Variants in ANO3 observed in about 807,000 individuals in gnomAD.
The protein encoded by ANO3 is anoctamin 3.
Under a neutral mutation model 144.8 loss-of-function variants are expected in ANO3, and 99 were observed. The observed-to-expected ratio is 0.68, with a 90% CI of 0.58 to 0.81. The LOEUF is 0.81. ANO3 is among the 30% of genes least tolerant of loss of function. The pLI is 0.00. For synonymous variants in ANO3, 414 were observed against 392.6 expected (o/e 1.05, Z -0.64); for missense variants, 905 against 1,202.2 (o/e 0.75, Z 3.66).
At chr11:26,647,195 T>C (rs948932527) in intron 23 of ANO3, among the ~76,000 whole-genome samples, 1 of 152,016 alleles carries the variant, frequency 6.6e-6, no homozygotes, top group Non-Finnish European at 1.5e-5. Context: ...TGATGCCAGA[T>C]TGACCTCCTA....
At chr11:26,599,106 T>G in intron 16 of ANO3, 108 bp downstream of exon 16, 1 of 1,185,318 alleles carries the variant, frequency 8.4e-7, no homozygotes, top group Non-Finnish European at 1.2e-6. Context: ...AACCTTATTC[T>G]TTCCAACAAC....
rs1161288753 is a variant in ANO3 at position 26,641,987 on chromosome 11, C to T, written c.2233C>T (p.Pro745Ser). The T allele has an allele frequency of 1.9e-6, 3 of 1,613,748 alleles. No homozygotes were observed. Among genetic ancestry groups the T allele is most frequent in the Admixed American group, 1.7e-5 (1 of 59,984 alleles). ...GTGGGAAAATGATTGGAATCTGCAG[C>T]CCATGAACCTTCATGGACTGATGGA... ...PQWENDWNLQ[P>S]MNLHGLMDEY... The change falls in exon 22 of 27, where the codon CCC becomes TCC. Residue 745 changes from proline to serine, a missense_variant. Around this residue, in one of 4 missense-constraint regions of ANO3, gnomAD observed 597 missense variants for 865.1 expected, o/e 0.69. Coordinates refer to ENST00000256737, the MANE Select transcript of ANO3 (RefSeq NM_031418.4).
chr11:26,624,503 G>A lies in ANO3; in HGVS notation c.1873+5G>A, dbSNP rs1590646069. On this transcript the variant is annotated splice_donor_5th_base_variant and intron_variant, in intron 18 of 26. Transcript: ENST00000256737. ...CTTACCTCCTCACCAATTTAGGTAA[G>A]TCCATTTTTCTTACTTCACTCCTTA... The A allele has an allele frequency of 6.2e-6, 10 of 1,601,790 alleles. No individual in the cohort carries two copies. The highest frequency in any genetic ancestry group is 8.5e-6 in the Non-Finnish European group (10 of 1,169,922).
At chr11:26,485,032 G>C (rs1240274880) in intron 4 of ANO3, among the ~76,000 whole-genome samples, 1 of 152,136 alleles carries the variant, frequency 6.6e-6, no homozygotes, top group East Asian at 1.9e-4. Flanking sequence ...CAACTGGCTT[G>C]TTTTGATTTT....
intron 1 of ANO3, among the ~76,000 whole-genome samples, chr11:26,267,449 TGGATAATAA>T (rs1200397345): frequency 6.6e-6 from 1 of 152,242 alleles, no homozygotes; most frequent in Non-Finnish European, 1.5e-5. Flanking sequence ...TATTTTTATA[TGGATAATAA>T]GGAAAATACA....
In ANO3 at chr11:26,332,262, C is replaced by A. The variant is rs759549665; in HGVS notation, c.-14C>A. ...GGGCAGCTCCCTAAGCCGGCTGGGA[C>A]GCGCAGAGTGAAAATGGTCCACCAT... On this transcript the variant is annotated 5_prime_UTR_variant, in exon 1 of 27. Coordinates refer to ENST00000256737, the MANE Select transcript of ANO3 (RefSeq NM_031418.4). The A allele has an allele frequency of 2.0e-5, 33 of 1,613,984 alleles. No individual in the cohort carries two copies. The highest frequency in any genetic ancestry group is 2.6e-5 in the Non-Finnish European group (31 of 1,180,002).
At chr11:26,627,402 A>G (rs186983434) in intron 18 of ANO3, among the ~76,000 whole-genome samples, 1 of 151,830 alleles carries the variant, frequency 6.6e-6, no homozygotes, top group Non-Finnish European at 1.5e-5. Context: ...GACAATAATA[A>G]TAGTTCCTAT....
chr11:26,287,475 A>G (rs1251596710), intron 1 of ANO3: 1 of 152,236 alleles, frequency 6.6e-6, no homozygotes, highest in Non-Finnish European at 1.5e-5. Flanking sequence ...CCAAGGTCAC[A>G]CAGTCATTAA....
chr11:26,221,198 T>C (rs1035496484), intron 1 of ANO3, among the ~76,000 whole-genome samples: 7 of 152,198 alleles, frequency 4.6e-5, no homozygotes, highest in African/African-American at 1.7e-4. Context: ...TTTTGTCATG[T>C]GTAGCTGTGA....
At chr11:26,557,898 A>T (rs1365490993) in intron 13 of ANO3, among the ~76,000 whole-genome samples, 1 of 152,218 alleles carries the variant, frequency 6.6e-6, no homozygotes, top group Non-Finnish European at 1.5e-5. Context: ...GTCATAATAC[A>T]TCCCATGTGT....
chr11:26,326,795 T>C (rs1225328769), intron 1 of ANO3, among the ~76,000 whole-genome samples: 2 of 152,152 alleles, frequency 1.3e-5, no homozygotes, highest in Non-Finnish European at 1.5e-5. Context: ...TAGCAACAAG[T>C]AACTAGTACA....
intron 1 of ANO3, among the ~76,000 whole-genome samples, chr11:26,299,839 T>C (rs1854184092): frequency 6.6e-6 from 1 of 152,192 alleles, no homozygotes; most frequent in African/African-American, 2.4e-5. Context: ...GAAGGCAGAA[T>C]ATATGAGTAT....
At position 26,660,338 on chromosome 11, in the gene ANO3, G is replaced by A. The variant is rs1461594466; in HGVS notation, c.2840G>A (p.Arg947Gln). 21 of 1,613,386 alleles carry A rather than the reference G, an allele frequency of 1.3e-5. No individual in the cohort carries two copies. Among genetic ancestry groups the A allele is most frequent in the African/African-American group, 2.7e-5 (2 of 74,844 alleles). The change falls in exon 27 of 27, where the codon CGA (arginine) becomes CAA (glutamine). Residue 947 changes from arginine to glutamine, a missense_variant. Transcript: ENST00000256737. Reference protein sequence around the residue: ...DVPKGLHDRIRREKYLVQEMM... With the variant: ...DVPKGLHDRIQREKYLVQEMM... The stretch of plus-strand genomic sequence containing the variant: ...CCAAAGGGTCTACATGACCGAATAC[G>A]ACGAGAGAAGTACTTAGTTCAAGAA...
chr11:26,447,884 C>T (rs1365728697), intron 3 of ANO3, among the ~76,000 whole-genome samples: 1 of 152,164 alleles, frequency 6.6e-6, no homozygotes, highest in Non-Finnish European at 1.5e-5. Context: ...CTACCATTGC[C>T]TACGTTTTTT....
intron 6 of ANO3, among the ~76,000 whole-genome samples, chr11:26,524,539 C>G (rs1161056106): frequency 1.3e-5 from 2 of 152,150 alleles, no homozygotes; most frequent in Non-Finnish European, 2.9e-5. Flanking sequence ...GAGGAGCTTA[C>G]TGATCCTCTG....
intron 1 of ANO3, among the ~76,000 whole-genome samples, chr11:26,221,601 T>C (rs971593144): frequency 2.0e-5 from 3 of 152,204 alleles, no homozygotes; most frequent in African/African-American, 7.2e-5. Context: ...GGATAATTTA[T>C]AAAGATAAAA....
chr11:26,568,640 A>C (rs986693319), intron 14 of ANO3, among the ~76,000 whole-genome samples: 1 of 152,234 alleles, frequency 6.6e-6, no homozygotes, highest in East Asian at 1.9e-4. Context: ...ATAACTGTCT[A>C]TTATGGTTTC....
At chr11:26,508,588 C>T (rs1022754737) in intron 5 of ANO3, 5 of 277,356 alleles carry the variant, frequency 1.8e-5, no homozygotes, top group East Asian at 6.1e-5. Flanking sequence ...ATTTGCCAAA[C>T]GATTAATGTC....
Position 26,332,200 on chromosome 11 carries a change from G to C in ANO3, c.-76G>C, listed in dbSNP as rs895987902. ...TCGCTGAGGCTCCGGACCTTGGAGC[G>C]TCTAGAGTCTGGCTACTGTTCCTCC... On this transcript the variant is annotated 5_prime_UTR_variant, in exon 1 of 27. Transcript: ENST00000256737. 46 of 1,613,430 alleles carry C rather than the reference G, an allele frequency of 2.9e-5. No homozygotes were observed. The highest frequency in any genetic ancestry group is 3.8e-5 in the Non-Finnish European group (45 of 1,179,758).
Sources: gnomAD v4.1 joint callset for allele counts (sites outside exome capture counted in the v4.1 genomes callset) on GRCh38, gnomAD v4.1.1 for gene constraint, gnomAD v4.1.1 regional missense constraint, MANE v1.5 for transcripts, NCBI Gene and HGNC (gene_info 2026-07-23, HGNC 2026-07-21) for gene names.